GPD2: variants seen among roughly 807,000 people sequenced by gnomAD.
GPD2 encodes glycerol-3-phosphate dehydrogenase, mitochondrial.
GPD2 carries 54 observed loss-of-function variants against 82.4 expected under a neutral mutation model. The observed-to-expected ratio is 0.66, with a 90% CI of 0.53 to 0.82. The LOEUF (loss-of-function observed/expected upper bound fraction) is 0.82. GPD2 is among the 40% of genes least tolerant of loss of function. The pLI is 0.00. For missense variants in GPD2, 748 were observed against 896.2 expected (o/e 0.83, Z 2.11); for synonymous variants, 288 against 306.1 (o/e 0.94, Z 0.62).
At chr2:156,503,059 T>C (rs998082242) in intron 3 of GPD2, among the ~76,000 whole-genome samples, 1 of 152,132 alleles carries the variant, frequency 6.6e-6, no homozygotes, top group Non-Finnish European at 1.5e-5. Flanking sequence ...CCTTGTTGAT[T>C]TTGGGGACCT....
At chr2:156,479,991 CTG>C (rs569012490) in intron 2 of GPD2, among the ~76,000 whole-genome samples, 2 of 152,140 alleles carry the variant, frequency 1.3e-5, no homozygotes, top group African/African-American at 2.4e-5. Context: ...CAGAGACACT[CTG>C]TGGTGGTGTG....
At chr2:156,578,794 A>G in intron 13 of GPD2, 95 bp from the exon 14 acceptor site, 1 of 784,258 alleles carries the variant, frequency 1.3e-6, no homozygotes, top group South Asian at 1.4e-5. Context: ...ATAAGTAAGG[A>G]TCAACTTCAT....
intron 2 of GPD2, among the ~76,000 whole-genome samples, chr2:156,489,188 T>C (rs1286459774): frequency 6.6e-6 from 1 of 152,182 alleles, no homozygotes; most frequent in African/African-American, 2.4e-5. Flanking sequence ...CTAACAAGAG[T>C]GCACAAGCCT....
chr2:156,463,352 T>C (rs933408350), intron 1 of GPD2, among the ~76,000 whole-genome samples: 1 of 152,212 alleles, frequency 6.6e-6, no homozygotes, highest in Non-Finnish European at 1.5e-5. Flanking sequence ...GTGTGTGTTC[T>C]TTGTTTGCTC....
chr2:156,462,846 C>G (rs892376984), intron 1 of GPD2, among the ~76,000 whole-genome samples: 1 of 152,180 alleles, frequency 6.6e-6, no homozygotes, highest in Non-Finnish European at 1.5e-5. Context: ...TAACTTGGCT[C>G]TCATTTTTCT....
chr2:156,457,764 C>T (rs1333321726), intron 1 of GPD2, among the ~76,000 whole-genome samples: 1 of 152,190 alleles, frequency 6.6e-6, no homozygotes, highest in Non-Finnish European at 1.5e-5. Flanking sequence ...TTCTATATCC[C>T]AATTCCACGT....
upstream of GPD2, among the ~76,000 whole-genome samples, chr2:156,433,005 C>G (rs1170734000): frequency 6.6e-6 from 1 of 152,156 alleles, no homozygotes; most frequent in Non-Finnish European, 1.5e-5. Flanking sequence ...GAATCACGTC[C>G]AGTGCTCCTG....
the GPD2 span, among the ~76,000 whole-genome samples, chr2:156,426,704 A>G: frequency 6.6e-6 from 1 of 152,184 alleles, no homozygotes; most frequent in Non-Finnish European, 1.5e-5. Flanking sequence ...CCTGAACTAC[A>G]TGTAGCTCAG....
intron 1 of GPD2, among the ~76,000 whole-genome samples, chr2:156,444,413 T>G (rs1484989940): frequency 6.6e-6 from 1 of 152,182 alleles, no homozygotes; most frequent in African/African-American, 2.4e-5. Flanking sequence ...GGGATACTTA[T>G]CTAAAAAATA....
chr2:156,543,633 A>G (rs554647470), intron 6 of GPD2, among the ~76,000 whole-genome samples: 3 of 152,342 alleles, frequency 2.0e-5, no homozygotes, highest in Non-Finnish European at 2.9e-5. Context: ...GGAGTCAGGG[A>G]AAGTTTCACA....
chr2:156,426,127 T>G, the GPD2 span, among the ~76,000 whole-genome samples: 137,728 of 151,668 alleles, frequency 0.91, 64,012 homozygotes, highest in East Asian at 1. Flanking sequence ...GTTTCACCGT[T>G]TTAGCCGGGA....
chr2:156,402,248 A>G, the GPD2 span, among the ~76,000 whole-genome samples: 1 of 152,236 alleles, frequency 6.6e-6, no homozygotes, highest in Non-Finnish European at 1.5e-5. Context: ...ATTATATATT[A>G]AGAATAATCG....
At chr2:156,554,739 A>G (rs1686896912) in intron 8 of GPD2, among the ~76,000 whole-genome samples, 1 of 152,194 alleles carries the variant, frequency 6.6e-6, no homozygotes, top group Non-Finnish European at 1.5e-5. Flanking sequence ...CATGAAAATA[A>G]TCATCTCTGT....
Position 156,585,471 on chromosome 2 carries a change from A to G in GPD2, c.*2553A>G, listed in dbSNP as rs1347656864. 2 of 152,402 alleles carry G rather than the reference A, an allele frequency of 1.3e-5. No individual in the cohort carries two copies. The highest frequency in any genetic ancestry group is 4.8e-5 in the African/African-American group (2 of 41,420). The allele number at this position is 152,402 out of a possible 1,614,324, so 9.4% of individuals were successfully genotyped here. ...AATAGCCCCCACCACAGTCATAACA[A>G]TAATGATAATGCTGGATTATTTGTT... On this transcript the variant is annotated 3_prime_UTR_variant, in exon 17 of 17. Transcript: ENST00000438166.
In GPD2 at chr2:156,585,299, T is replaced by A. The variant is rs1030437721; in HGVS notation, c.*2381T>A. 1 of 152,324 alleles carries A rather than the reference T, an allele frequency of 6.6e-6. No homozygotes were observed. Among genetic ancestry groups the A allele is most frequent in the African/African-American group, 2.4e-5 (1 of 41,382 alleles). 9.4% of individuals were successfully genotyped at this position (152,324 alleles called of 1,614,324 possible). A position where few individuals can be genotyped will look rare whatever the true frequency, so the allele number is the denominator to read the frequency against. On this transcript the variant is annotated 3_prime_UTR_variant, in exon 17 of 17. Transcript: ENST00000438166. ...ACAAAAGAAATTTTTTCCCTTTGCA[T>A]ATAAACTTGACATCAGTTGATTCTG...
chr2:156,564,061 A>C (rs1300788588), intron 9 of GPD2, among the ~76,000 whole-genome samples: 1 of 152,058 alleles, frequency 6.6e-6, no homozygotes, highest in African/African-American at 2.4e-5. Flanking sequence ...TTAAATATAC[A>C]CTTAGAGAAA....
Position 156,579,682 on chromosome 2 carries a change from T to G in GPD2, c.1960-8T>G, listed in dbSNP as rs750709895. Reference sequence around the variant, plus strand: ...AACTGTATTATTCTATGCTTTTCTTTTACTTAGAGTATCAATGTCCAAATG... The same window carrying G: ...AACTGTATTATTCTATGCTTTTCTTGTACTTAGAGTATCAATGTCCAAATG... On this transcript the variant is annotated splice_region_variant and splice_polypyrimidine_tract_variant and intron_variant, in intron 15 of 16. Coordinates refer to ENST00000438166, the MANE Select transcript of GPD2 (RefSeq NM_000408.5). 1.6e-6 allele frequency: 2 copies of G among 1,223,270 alleles called. No individual in the cohort carries two copies. The highest frequency in any genetic ancestry group is 2.4e-6 in the Non-Finnish European group (2 of 823,106). 75.8% of individuals were successfully genotyped at this position (1,223,270 alleles called of 1,614,324 possible).
the GPD2 span, among the ~76,000 whole-genome samples, chr2:156,420,255 T>G: frequency 2.6e-5 from 4 of 152,138 alleles, no homozygotes; most frequent in Non-Finnish European, 5.9e-5. Context: ...CACTGCAACC[T>G]CTGCCTCCTG....
intron 2 of GPD2, among the ~76,000 whole-genome samples, chr2:156,491,204 A>G (rs1453057669): frequency 6.6e-6 from 1 of 152,216 alleles, no homozygotes; most frequent in Non-Finnish European, 1.5e-5. Flanking sequence ...GGAATCATGT[A>G]GTATGTAGAC....
Sources: gnomAD v4.1 joint callset for allele counts (sites outside exome capture counted in the v4.1 genomes callset) on GRCh38, gnomAD v4.1.1 for gene constraint, MANE v1.5 for transcripts, NCBI Gene and HGNC (gene_info 2026-07-23, HGNC 2026-07-21) for gene names.